Variants in ALG12 observed in about 807,000 individuals in gnomAD.
ALG12 encodes dol-P-Man:Man(7)GlcNAc(2)-PP-Dol alpha-1,6-mannosyltransferase.
ALG12 carries 36 observed loss-of-function variants against 46.0 expected under a neutral mutation model. The ratio of observed to expected loss-of-function variants is 0.78; its 90% CI spans 0.60 to 1.03. ALG12 has a LOEUF of 1.03. Ranked by LOEUF, ALG12 falls within the 50% of genes least tolerant of loss-of-function variation. The pLI is 0.00. For synonymous variants in ALG12, 326 were observed against 291.6 expected (o/e 1.12, Z -1.20); for missense variants, 599 against 633.5 (o/e 0.95, Z 0.58).
At chr22:49,888,577 T>C in the ALG12 span, 9 of 167,342 alleles carry the variant, frequency 5.4e-5, no homozygotes, top group East Asian at 1.7e-3. Context: ...TCCAGGGAAG[T>C]GGAGATGTAA....
At chr22:49,860,629 T>C in the ALG12 span, among the ~76,000 whole-genome samples, 1 of 152,194 alleles carries the variant, frequency 6.6e-6, no homozygotes, top group East Asian at 1.9e-4. Flanking sequence ...AAGACAAATA[T>C]TATTTTCTCT....
At chr22:49,890,451 G>A in the ALG12 span, among the ~76,000 whole-genome samples, 1 of 152,198 alleles carries the variant, frequency 6.6e-6, no homozygotes, top group Admixed American at 6.5e-5. Flanking sequence ...ATTTAACCAT[G>A]TCAGTGCAGC....
the ALG12 span, among the ~76,000 whole-genome samples, chr22:49,882,929 A>G: frequency 3.9e-5 from 6 of 152,196 alleles, no homozygotes; most frequent in Admixed American, 3.3e-4. Flanking sequence ...TTCGTATTTC[A>G]TGTATCAGGT....
chr22:49,882,157 G>A, the ALG12 span, among the ~76,000 whole-genome samples: 2 of 152,216 alleles, frequency 1.3e-5, no homozygotes, highest in Non-Finnish European at 2.9e-5. Flanking sequence ...GGTGACCCAT[G>A]CTGACCAGGC....
At chr22:49,884,180 ATGGCAGTGTGTC>A in the ALG12 span, 4 of 1,611,654 alleles carry the variant, frequency 2.5e-6, no homozygotes, top group Non-Finnish European at 3.4e-6. Context: ...ATTCAGGAAA[ATGGCAGTGTGTC>A]TGCCGTGTCC....
the ALG12 span, among the ~76,000 whole-genome samples, chr22:49,862,842 C>T: frequency 6.6e-6 from 1 of 151,844 alleles, no homozygotes; most frequent in African/African-American, 2.4e-5. Flanking sequence ...ACTGGGATTA[C>T]AGGTGCCCAC....
the ALG12 span, among the ~76,000 whole-genome samples, chr22:49,891,011 CAG>C: frequency 6.7e-6 from 1 of 148,402 alleles, no homozygotes; most frequent in African/African-American, 2.5e-5. Flanking sequence ...GCCTGGGCGA[CAG>C]AGCGAGACTC....
chr22:49,889,649 A>G, the ALG12 span: 6 of 167,018 alleles, frequency 3.6e-5, no homozygotes, highest in Non-Finnish European at 2.9e-5. Context: ...CATTCCCTTC[A>G]TTTCGTTGGT....
chr22:49,917,273 A>C (rs2060616736), intron 1 of ALG12, among the ~76,000 whole-genome samples: 1 of 152,226 alleles, frequency 6.6e-6, no homozygotes, highest in Non-Finnish European at 1.5e-5. Flanking sequence ...AGGCCATGAC[A>C]CTTTAAAATG....
rs752634246 is a variant in ALG12, at chr22:49,907,750, G to A, written c.963C>T (p.Asn321=). The part of the protein sequence containing the change: ...RFIIYAFPML[N]ITAARGCSYL... Reference sequence around the variant, plus strand: ...AGGAGCAGCCTCTGGCAGCCGTGATGTTGAGCATGGGGAAGGCATAGATGA... The same window carrying A: ...AGGAGCAGCCTCTGGCAGCCGTGATATTGAGCATGGGGAAGGCATAGATGA... Residue 321 remains asparagine (N), a synonymous_variant, in exon 7 of 10, where the codon AAC becomes AAT. Transcript: ENST00000330817. 6.2e-7 allele frequency: 1 copy of A among 1,614,188 alleles called. No homozygotes were observed. Among genetic ancestry groups the A allele is most frequent in the Admixed American group, 1.7e-5 (1 of 60,036 alleles).
downstream of ALG12, among the ~76,000 whole-genome samples, chr22:49,899,527 C>A (rs2060495598): frequency 1.3e-5 from 2 of 151,900 alleles, no homozygotes; most frequent in South Asian, 4.2e-4. Context: ...ACTCACCCCT[C>A]AGACTGGCCA....
chr22:49,912,004 C>T (rs1020866840), intron 3 of ALG12, among the ~76,000 whole-genome samples: 2 of 152,058 alleles, frequency 1.3e-5, no homozygotes, highest in Admixed American at 1.3e-4. Flanking sequence ...CCCTCGGCCC[C>T]GGGATCAGCC....
Position 49,904,334 on chromosome 22 carries a change from C to G in ALG12, c.1162+3G>C, listed in dbSNP as rs762241504. On this transcript the variant is annotated splice_donor_region_variant and intron_variant, in intron 8 of 9. Transcript: ENST00000330817. Reference sequence around the variant, plus strand: ...GTCCCCAGGCAGTGCCCCCAGCACCCACCTGTCTGGGGGGGCACCAGCTGG... The same window carrying G: ...GTCCCCAGGCAGTGCCCCCAGCACCGACCTGTCTGGGGGGGCACCAGCTGG... 6.2e-7 allele frequency: 1 copy of G among 1,614,184 alleles called. No homozygotes were observed. The highest frequency in any genetic ancestry group is 1.7e-5 in the Admixed American group (1 of 60,028).
downstream of ALG12, among the ~76,000 whole-genome samples, chr22:49,897,443 A>G (rs1390886795): frequency 6.6e-6 from 1 of 152,184 alleles, no homozygotes; most frequent in Non-Finnish European, 1.5e-5. Flanking sequence ...CATTCACGCC[A>G]GCAATGAATG....
rs751218221 is a variant in ALG12, at chr22:49,909,213, A to C, written c.768+31T>G. On this transcript the variant is annotated intron_variant, in intron 6 of 9. Transcript: ENST00000330817. ...GGAGATGTGGCTGCAGGTCCCACCC[A>C]TCGCCCTCCTGCACGGACACTGAAG... 2.5e-6 allele frequency: 4 copies of C among 1,604,020 alleles called. No homozygotes were observed. The South Asian group carries it at 4.4e-5, about 18-fold the overall frequency.
At position 49,901,811 on chromosome 22, in the gene ALG12, T is replaced by G. The variant is rs2060508955; in HGVS notation, c.*2027A>C. The G allele has an allele frequency of 6.9e-6, 1 of 145,382 alleles. No individual in the cohort carries two copies. The highest frequency in any genetic ancestry group is 1.5e-5 in the Non-Finnish European group (1 of 66,852). The allele number at this position is 145,382 out of a possible 1,614,324, so 9.0% of individuals were successfully genotyped here. Reference sequence around the variant, plus strand: ...GTGTGTGGTATGTATGCATGGTGTGTGCACGTGTGCACTGTGTGTATGCAT... The same window carrying G: ...GTGTGTGGTATGTATGCATGGTGTGGGCACGTGTGCACTGTGTGTATGCAT... On this transcript the variant is annotated 3_prime_UTR_variant, in exon 10 of 10. Coordinates refer to ENST00000330817, the MANE Select transcript of ALG12 (RefSeq NM_024105.4).
the ALG12 span, among the ~76,000 whole-genome samples, chr22:49,879,053 G>T: frequency 6.6e-6 from 1 of 150,946 alleles, no homozygotes; most frequent in Middle Eastern, 3.4e-3. Context: ...GCTGAGGCAG[G>T]AGAATCACTT....
chr22:49,909,834 C>A (rs1569176056), intron 5 of ALG12, 60 bp downstream of exon 5: 7 of 1,607,046 alleles, frequency 4.4e-6, no homozygotes, highest in Non-Finnish European at 6.0e-6. Flanking sequence ...TTTCTCTTGA[C>A]CTTTGTAAAA....
At chr22:49,885,882 C>A in the ALG12 span, 2 of 1,206,058 alleles carry the variant, frequency 1.7e-6, no homozygotes, top group Non-Finnish European at 2.5e-6. Context: ...GTAACCAGAC[C>A]CGTGAGTACC....
Sources: allele counts gnomAD v4.1 joint callset (sites outside exome capture counted in the v4.1 genomes callset), GRCh38; gene constraint gnomAD v4.1.1; transcripts MANE v1.5; gene names NCBI Gene and HGNC (gene_info 2026-07-23, HGNC 2026-07-21).